The following MAPRE1 variants were observed in gnomAD, a reference collection of about 807,000 sequenced individuals.
MAPRE1 encodes microtubule-associated protein RP/EB family member 1.
A neutral mutation model predicts 32.1 loss-of-function variants in MAPRE1; 5 were observed. The ratio of observed to expected loss-of-function variants is 0.16; its 90% CI spans 0.08 to 0.33. MAPRE1 has a LOEUF of 0.33. MAPRE1 is among the 10% of genes least tolerant of loss of function. The pLI, the probability that MAPRE1 is intolerant of heterozygous loss-of-function variation, is 1.00. For missense variants in MAPRE1, 209 were observed against 327.2 expected (o/e 0.64, Z 2.79); for synonymous variants, 122 against 118.9 (o/e 1.03, Z -0.17).
At chr20:32,840,628 T>C (rs1048840755) in intron 5 of MAPRE1, among the ~76,000 whole-genome samples, 4 of 152,020 alleles carry the variant, frequency 2.6e-5, no homozygotes, top group South Asian at 4.1e-4. Flanking sequence ...CCTGGCTCCA[T>C]TGAAAAAATC....
At chr20:32,829,740 C>G (rs1205165963) in intron 2 of MAPRE1, among the ~76,000 whole-genome samples, 5 of 152,220 alleles carry the variant, frequency 3.3e-5, no homozygotes, top group African/African-American at 1.2e-4. Context: ...CAAATTTTGT[C>G]AGCAGTGGGC....
At chr20:32,820,576 A>G (rs1982668726) in intron 1 of MAPRE1, among the ~76,000 whole-genome samples, 1 of 152,166 alleles carries the variant, frequency 6.6e-6, no homozygotes, top group African/African-American at 2.4e-5. Context: ...TGTATGGCAG[A>G]AAGTAAGCCA....
intron 4 of MAPRE1, among the ~76,000 whole-genome samples, chr20:32,838,354 T>C (rs1173456736): frequency 6.6e-6 from 1 of 152,214 alleles, no homozygotes; most frequent in Non-Finnish European, 1.5e-5. Context: ...TAATATTCCA[T>C]TGCATGCCTA....
chr20:32,847,188 T>A (rs964252721), intron 6 of MAPRE1, among the ~76,000 whole-genome samples: 3 of 152,214 alleles, frequency 2.0e-5, no homozygotes, highest in African/African-American at 4.8e-5. Context: ...TGCCCACATA[T>A]CACGTCATGT....
intron 1 of MAPRE1, among the ~76,000 whole-genome samples, chr20:32,821,724 T>G (rs1280108166): frequency 1.3e-5 from 2 of 152,246 alleles, no homozygotes; most frequent in African/African-American, 2.4e-5. Flanking sequence ...TCCCCCACTT[T>G]ACATAGGGCT....
intron 3 of MAPRE1, among the ~76,000 whole-genome samples, chr20:32,834,869 T>C (rs1983142471): frequency 1.3e-5 from 2 of 152,198 alleles, no homozygotes; most frequent in African/African-American, 4.8e-5. Flanking sequence ...ATGGTTAGCA[T>C]GGCCAATTTT....
At chr20:32,823,586 G>A (rs1292373994) in intron 1 of MAPRE1, among the ~76,000 whole-genome samples, 2 of 152,180 alleles carry the variant, frequency 1.3e-5, no homozygotes, top group East Asian at 1.9e-4. Flanking sequence ...TTTTCAAACT[G>A]TAATGAGAGC....
intron 2 of MAPRE1, among the ~76,000 whole-genome samples, chr20:32,827,232 C>G (rs1982879167): frequency 2.0e-5 from 3 of 151,840 alleles, no homozygotes; most frequent in African/African-American, 7.3e-5. Context: ...ATGGTGAAAC[C>G]CCGTCTCTAC....
intron 2 of MAPRE1, among the ~76,000 whole-genome samples, chr20:32,830,901 T>C (rs527680637): frequency 1.8e-4 from 28 of 152,232 alleles, no homozygotes; most frequent in African/African-American, 6.5e-4. Context: ...TTTTTTTGTA[T>C]TTTTAGTAGA....
intron 5 of MAPRE1, among the ~76,000 whole-genome samples, chr20:32,844,625 G>A (rs913831415): frequency 1.3e-5 from 2 of 151,926 alleles, no homozygotes; most frequent in South Asian, 4.2e-4. Flanking sequence ...TGTTGGCCAG[G>A]ATGGTCTTGA....
rs1983577136 is a variant in MAPRE1 at position 32,848,890 on chromosome 20, C to T, written c.*162C>T. The T allele has an allele frequency of 7.3e-6, 4 of 548,758 alleles. No homozygotes were observed. Among genetic ancestry groups the T allele is most frequent in the Non-Finnish European group, 9.5e-6 (3 of 317,298 alleles). The allele number at this position is 548,758 out of a possible 1,614,324, so 34.0% of individuals were successfully genotyped here. On this transcript the variant is annotated 3_prime_UTR_variant, in exon 7 of 7. Coordinates refer to ENST00000375571, the MANE Select transcript of MAPRE1 (RefSeq NM_012325.3). Reference sequence around the variant, plus strand: ...ACTTTGCAGACGTTTCACTCCTTTTCCAATAAGTTTGAGTTAGGAGCTTTT... The same window carrying T: ...ACTTTGCAGACGTTTCACTCCTTTTTCAATAAGTTTGAGTTAGGAGCTTTT...
intron 2 of MAPRE1, among the ~76,000 whole-genome samples, chr20:32,833,485 C>T (rs73114114): frequency 0.026 from 3,964 of 152,186 alleles, 72 homozygotes; most frequent in Non-Finnish European, 0.04. Context: ...AGAAACACTC[C>T]TTTTCTCCTT....
At chr20:32,823,037 C>G (rs1221218374) in intron 1 of MAPRE1, among the ~76,000 whole-genome samples, 1 of 152,144 alleles carries the variant, frequency 6.6e-6, no homozygotes, top group Non-Finnish European at 1.5e-5. Context: ...ATTTTTCTCT[C>G]TTTGACGCTG....
intron 2 of MAPRE1, among the ~76,000 whole-genome samples, chr20:32,826,823 A>G (rs1162683555): frequency 6.6e-6 from 1 of 151,880 alleles, no homozygotes; most frequent in Non-Finnish European, 1.5e-5. Flanking sequence ...GGTTGGAACT[A>G]TACTTAAATA....
intron 1 of MAPRE1, among the ~76,000 whole-genome samples, chr20:32,820,954 C>T (rs867471276): frequency 3.3e-5 from 5 of 151,980 alleles, no homozygotes; most frequent in Middle Eastern, 3.4e-3. Context: ...GTGTCAAGCA[C>T]TGTTAAGTGC....
chr20:32,831,614 C>A (rs1212219289), intron 2 of MAPRE1, among the ~76,000 whole-genome samples: 1 of 151,652 alleles, frequency 6.6e-6, no homozygotes, highest in East Asian at 1.9e-4. Context: ...CTCACTGCAA[C>A]CATCGCCTCT....
chr20:32,825,820 TGA>T (rs1457577597), intron 1 of MAPRE1, 103 bp from the exon 2 acceptor site: 21 of 771,488 alleles, frequency 2.7e-5, no homozygotes, highest in Non-Finnish European at 3.5e-5. Flanking sequence ...AAAATAAAAT[TGA>T]GTGTTCCTAC....
At chr20:32,826,154 T>A in intron 2 of MAPRE1, 106 bp downstream of exon 2, 1 of 1,008,292 alleles carries the variant, frequency 9.9e-7, no homozygotes, top group African/African-American at 1.6e-5. Flanking sequence ...TTCAGGGTCT[T>A]TGTTAGGGCC....
intron 4 of MAPRE1, among the ~76,000 whole-genome samples, chr20:32,838,547 G>T (rs1331449856): frequency 6.6e-6 from 1 of 152,204 alleles, no homozygotes; most frequent in African/African-American, 2.4e-5. Context: ...GCTGTGCCAT[G>T]TGTTAACTCT....
Sources: allele counts gnomAD v4.1 joint callset (sites outside exome capture counted in the v4.1 genomes callset), GRCh38; gene constraint gnomAD v4.1.1; transcripts MANE v1.5; gene names NCBI Gene and HGNC (gene_info 2026-07-23, HGNC 2026-07-21).